CEP43: variants seen among roughly 807,000 people sequenced by gnomAD.
CEP43 encodes FGFR1 oncogene partner.
In CEP43, 36 loss-of-function variants were observed where a neutral mutation model predicts 52.6. The observed-to-expected ratio is 0.68, with a 90% CI of 0.52 to 0.90. CEP43 has a LOEUF of 0.90. Ranked by LOEUF, CEP43 falls within the 40% of genes least tolerant of loss-of-function variation. The pLI is 0.00. For synonymous variants in CEP43, 192 were observed against 172.4 expected (o/e 1.11, Z -0.89); for missense variants, 506 against 472.8 (o/e 1.07, Z -0.65).
chr6:167,051,048 T>G lies in CEP43; in HGVS notation c.*11070T>G, dbSNP rs1780864442. On this transcript the variant is annotated 3_prime_UTR_variant, in exon 13 of 13. Transcript: ENST00000366847. ...GGTTTGTGTACTAAGAAACTAAATG[T>G]TTCTTGTGTACTAAGTCAGCTTCTG... is the stretch of plus-strand genomic sequence containing the variant. 6.6e-6 allele frequency: 1 copy of G among 152,102 alleles called. No homozygotes were observed. The highest frequency in any genetic ancestry group is 6.6e-5 in the Admixed American group (1 of 15,262). The allele number at this position is 152,102 out of a possible 1,614,324, so 9.4% of individuals were successfully genotyped here. A position where few individuals can be genotyped will look rare whatever the true frequency, so the allele number is the denominator to read the frequency against.
In CEP43 at chr6:167,022,467, G is replaced by C; in HGVS notation, c.638G>C (p.Ser213Thr). 6.2e-7 allele frequency: 1 copy of C among 1,614,138 alleles called. No homozygotes were observed. Among genetic ancestry groups the C allele is most frequent in the South Asian group, 1.1e-5 (1 of 91,080 alleles). The change falls in exon 8 of 13, where the codon AGC (serine) becomes ACC (threonine). Residue 213 changes from serine (S) to threonine (T), a missense_variant. Ser to Thr is a moderately conservative substitution (Grantham distance 58). Coordinates refer to ENST00000366847, the MANE Select transcript of CEP43 (RefSeq NM_007045.4). ...DTSVSLSEPK[S>T]KSSLHLLSHE... ...AGTGTCTCCTTGTCAGAACCCAAGAGCAAAAGCAGCCTTCACTTACTGTCC... is the reference window on the plus strand; with the variant it reads ...AGTGTCTCCTTGTCAGAACCCAAGACCAAAAGCAGCCTTCACTTACTGTCC...
intron 10 of CEP43, among the ~76,000 whole-genome samples, chr6:167,026,858 G>C (rs976251314): frequency 2.0e-5 from 3 of 152,220 alleles, no homozygotes; most frequent in African/African-American, 7.2e-5. Flanking sequence ...TCAGGAATAT[G>C]AACATTAAAC....
Position 167,052,349 on chromosome 6 carries a change from C to T in CEP43, c.*12371C>T, listed in dbSNP as rs770708771. 10 of 151,974 alleles carry T rather than the reference C, an allele frequency of 6.6e-5. No individual in the cohort carries two copies. The highest frequency in any genetic ancestry group is 1.5e-4 in the Non-Finnish European group (10 of 68,000). 9.4% of individuals were successfully genotyped at this position (151,974 alleles called of 1,614,324 possible). ...GAGACTGGAAGTGAGGGAAATAGGG[C>T]GTGCAGGAAGGAAGGAAGAGGAAGG... On this transcript the variant is annotated 3_prime_UTR_variant, in exon 13 of 13. Transcript: ENST00000366847.
At chr6:167,014,486 C>T (rs112081631) in intron 7 of CEP43, among the ~76,000 whole-genome samples, 52 of 152,298 alleles carry the variant, frequency 3.4e-4, no homozygotes, top group African/African-American at 1.2e-3. Context: ...ACAGTTTTTA[C>T]ATGTACTTAG....
chr6:167,003,174 ATTT>A lies in CEP43; in HGVS notation c.157-8_157-6del, dbSNP rs576046562. ...TTTAGGGTAAACACATGACACTTAA[ATTT>A]TTTTTTTTTTAACAGAACAAAACTC... On this transcript the variant is annotated splice_polypyrimidine_tract_variant and intron_variant, in intron 2 of 12. Transcript: ENST00000366847. 9 of 942,198 alleles carry A rather than the reference ATTT, an allele frequency of 9.6e-6. No individual in the cohort carries two copies. Among genetic ancestry groups the A allele is most frequent in the Admixed American group, 5.8e-5 (2 of 34,232 alleles). The allele number at this position is 942,198 out of a possible 1,614,324, so 58.4% of individuals were successfully genotyped here.
rs191644840 is a variant in CEP43, at chr6:167,013,871, G to T, written c.579+304G>T. On this transcript the variant is annotated intron_variant, in intron 7 of 12. Transcript: ENST00000366847. ...GCCTGTAATCCCAGCTACTTGGGAGGCTGAGGCAGGAGAATCGCTTTAACC... is the reference window on the plus strand; with the variant it reads ...GCCTGTAATCCCAGCTACTTGGGAGTCTGAGGCAGGAGAATCGCTTTAACC... 4.1e-3 allele frequency among the ~76,000 whole-genome samples: 620 copies of T among 152,350 alleles called. 21 individuals carry two copies. Among genetic ancestry groups the T allele is most frequent in the Admixed American group, 0.039 (594 of 15,304 alleles).
At position 167,026,562 on chromosome 6, in the gene CEP43, C is replaced by T. The variant is rs777305495; in HGVS notation, c.935C>T (p.Thr312Ile). 1.9e-6 allele frequency: 3 copies of T among 1,590,766 alleles called. No homozygotes were observed. Among genetic ancestry groups the T allele is most frequent in the Non-Finnish European group, 2.6e-6 (3 of 1,158,874 alleles). ...CTGTTCACAGGTAAAAGGGGAAATACAGTTTTGAAAGATCTGAAATTGATC... is the reference window on the plus strand; with the variant it reads ...CTGTTCACAGGTAAAAGGGGAAATATAGTTTTGAAAGATCTGAAATTGATC... ...LKDSESKRGNTVLKDLKLISD... is the reference protein window; with the variant it reads ...LKDSESKRGNIVLKDLKLISD... The change falls in exon 10 of 13, where the codon ACA (threonine) becomes ATA (isoleucine). Residue 312 changes from threonine (T) to isoleucine (I), a missense_variant. Thr to Ile is a moderately conservative substitution (Grantham distance 89). Transcript: ENST00000366847.
intron 2 of CEP43, among the ~76,000 whole-genome samples, chr6:167,000,447 C>T (rs1168337035): frequency 6.6e-6 from 1 of 152,092 alleles, no homozygotes; most frequent in Admixed American, 6.5e-5. Flanking sequence ...GTTATTAATC[C>T]CTATGAAACG....
intron 9 of CEP43, among the ~76,000 whole-genome samples, chr6:167,026,182 G>A (rs893290693): frequency 1.3e-5 from 2 of 152,202 alleles, no homozygotes; most frequent in Non-Finnish European, 2.9e-5. Flanking sequence ...ATCCAACATA[G>A]GGAAACCCTG....
At chr6:167,028,936 A>G (rs1780409661) in intron 10 of CEP43, among the ~76,000 whole-genome samples, 1 of 152,250 alleles carries the variant, frequency 6.6e-6, no homozygotes, top group Non-Finnish European at 1.5e-5. Context: ...AAAGGTGCCC[A>G]AAAGGAGTGT....
At chr6:167,012,298 A>G (rs1361000096) in intron 6 of CEP43, among the ~76,000 whole-genome samples, 1 of 152,202 alleles carries the variant, frequency 6.6e-6, no homozygotes, top group Non-Finnish European at 1.5e-5. Flanking sequence ...CCAAAGAAAC[A>G]ACTATTGTAT....
rs1430829841 is a variant in CEP43 at position 167,052,459 on chromosome 6, C to A, written c.*12481C>A. The A allele has an allele frequency of 6.6e-6, 1 of 152,154 alleles. No individual in the cohort carries two copies. Among genetic ancestry groups the A allele is most frequent in the Non-Finnish European group, 1.5e-5 (1 of 68,032 alleles). 9.4% of individuals were successfully genotyped at this position (152,154 alleles called of 1,614,324 possible). A position where few individuals can be genotyped will look rare whatever the true frequency, so the allele number is the denominator to read the frequency against. On this transcript the variant is annotated 3_prime_UTR_variant, in exon 13 of 13. Coordinates refer to ENST00000366847, the MANE Select transcript of CEP43 (RefSeq NM_007045.4). ...GGCCTTTGTAAATTCCCAGTGACAACTCTTTGGAAGATGAAATCCCCCTCT... is the reference window on the plus strand; with the variant it reads ...GGCCTTTGTAAATTCCCAGTGACAAATCTTTGGAAGATGAAATCCCCCTCT...
chr6:167,032,707 G>T, intron 11 of CEP43, 65 bp downstream of exon 11: 1 of 1,387,402 alleles, frequency 7.2e-7, no homozygotes, highest in East Asian at 2.4e-5. Flanking sequence ...TCCGAACACA[G>T]ACAAGACAAA....
rs374763053 is a variant in CEP43 at position 167,024,774 on chromosome 6, C to G, written c.807-8C>G. 2 of 1,603,110 alleles carry G rather than the reference C, an allele frequency of 1.2e-6. No individual in the cohort carries two copies. The highest frequency in any genetic ancestry group is 2.7e-5 in the African/African-American group (2 of 74,486). ...GAGCACCGATTAACTGTCCTTGTTT[C>G]TTGTTAGGAGGAAGGAACCTAGGAA... On this transcript the variant is annotated splice_polypyrimidine_tract_variant and splice_region_variant and intron_variant, in intron 8 of 12. Coordinates refer to ENST00000366847, the MANE Select transcript of CEP43 (RefSeq NM_007045.4).
chr6:167,015,453 T>C (rs1033323759), intron 7 of CEP43, among the ~76,000 whole-genome samples: 1 of 152,236 alleles, frequency 6.6e-6, no homozygotes, highest in Non-Finnish European at 1.5e-5. Flanking sequence ...ATCATCCAGA[T>C]GCTATGTTGC....
chr6:167,011,346 A>T (rs73026225), intron 6 of CEP43, among the ~76,000 whole-genome samples: 3,084 of 152,250 alleles, frequency 0.02, 51 homozygotes, highest in East Asian at 0.091. Flanking sequence ...GGCTGTTTTG[A>T]TACAATTTCT....
Position 167,041,150 on chromosome 6 carries a change from A to C in CEP43, c.*1172A>C. 9.6e-7 allele frequency: 1 copy of C among 1,044,490 alleles called. No homozygotes were observed. Among genetic ancestry groups the C allele is most frequent in the Non-Finnish European group, 1.2e-6 (1 of 866,284 alleles). The allele number at this position is 1,044,490 out of a possible 1,614,324, so 64.7% of individuals were successfully genotyped here. A position where few individuals can be genotyped will look rare whatever the true frequency, so the allele number is the denominator to read the frequency against. On this transcript the variant is annotated 3_prime_UTR_variant, in exon 13 of 13. Coordinates refer to ENST00000366847, the MANE Select transcript of CEP43 (RefSeq NM_007045.4). ...TTAACTTTATTAGTAAAAGGAGCAA[A>C]TTAGACCTAATTCATTGATCTCGGT...
chr6:167,036,217 T>G (rs556184177), intron 12 of CEP43: 1 of 985,410 alleles, frequency 1.0e-6, no homozygotes, highest in Non-Finnish European at 1.2e-6. Context: ...TTTTGAAAGA[T>G]GACTCTGACT....
At position 167,049,609 on chromosome 6, in the gene CEP43, G is replaced by C. The variant is rs918698420; in HGVS notation, c.*9631G>C. ...ATTGACCACACTTTATCCATTCATT[G>C]GTTGATGGACATTTGGGTTGTTTCC... is the stretch of plus-strand genomic sequence containing the variant. On this transcript the variant is annotated 3_prime_UTR_variant, in exon 13 of 13. Coordinates refer to ENST00000366847, the MANE Select transcript of CEP43 (RefSeq NM_007045.4). 6.6e-6 allele frequency: 1 copy of C among 152,214 alleles called. No homozygotes were observed. The highest frequency in any genetic ancestry group is 1.5e-5 in the Non-Finnish European group (1 of 68,028). 9.4% of individuals were successfully genotyped at this position (152,214 alleles called of 1,614,324 possible).
Sources: gnomAD v4.1 joint callset for allele counts (sites outside exome capture counted in the v4.1 genomes callset) on GRCh38, gnomAD v4.1.1 for gene constraint, MANE v1.5 for transcripts, NCBI Gene and HGNC (gene_info 2026-07-23, HGNC 2026-07-21) for gene names.